MEI1: variants seen among roughly 807,000 people sequenced by gnomAD.
MEI1 encodes meiotic double-stranded break formation protein 1.
Under a neutral mutation model 146.2 loss-of-function variants are expected in MEI1, and 103 were observed. That is an observed-to-expected ratio of 0.70 (90% CI 0.60 to 0.83). The LOEUF is 0.83. Among genes scored for constraint, MEI1 ranks in the 40% least tolerant of loss-of-function variants. The probability of loss-of-function intolerance (pLI) is 0.00; values close to 1 mark genes in which losing one functional copy is unlikely to be tolerated. For missense variants in MEI1, 1,529 were observed against 1,533.0 expected, an observed-to-expected ratio of 1.00 and a Z score of 0.04; for synonymous variants, 652 against 628.2, an observed-to-expected ratio of 1.04 and a Z score of -0.57.
intron 20 of MEI1, among the ~76,000 whole-genome samples, chr22:41,775,380 C>T (rs147852926): frequency 6.6e-6 from 1 of 152,230 alleles, no homozygotes; most frequent in African/African-American, 2.4e-5. Context: ...TTAAGGCACA[C>T]TCAGGTTCCC....
At chr22:41,784,218 C>T (rs950790653) in intron 24 of MEI1, 121 bp from the exon 25 acceptor site, 15 of 843,056 alleles carry the variant, frequency 1.8e-5, no homozygotes, top group Admixed American at 4.5e-5. Flanking sequence ...GTGGCCTCCT[C>T]CGTCCCCTTT....
intron 23 of MEI1, 128 bp downstream of exon 23, chr22:41,781,522 G>A: frequency 8.7e-7 from 1 of 1,146,834 alleles, no homozygotes. Context: ...GTCCTTTCTG[G>A]CTCTAATAAC....
At chr22:41,718,330 A>C (rs769543586) in intron 6 of MEI1, 56 bp downstream of exon 6, 77 of 1,548,678 alleles carry the variant, frequency 5.0e-5, no homozygotes, top group Non-Finnish European at 6.7e-5. Context: ...TTTTGCTAGA[A>C]GACTTGAGAT....
intron 17 of MEI1, 65 bp from the exon 18 acceptor site, chr22:41,758,299 TA>T: frequency 6.7e-7 from 1 of 1,488,268 alleles, no homozygotes. Context: ...TAGTAGGTAC[TA>T]ATGTGCTGAT....
At position 41,781,291 on chromosome 22, in the gene MEI1, G is replaced by A. The variant is rs1377722492; in HGVS notation, c.2823G>A (p.Lys941=). Residue 941 remains lysine, a synonymous_variant, in exon 23 of 31, where the codon AAG becomes AAA. Coordinates refer to ENST00000401548, the MANE Select transcript of MEI1 (RefSeq NM_152513.4). ...VAMKLLHQVS[K]LCGKCSPTDV... ...GACTTTCATCTCTTGCAGTAAGCAA[G>A]CTGTGTGGGAAGTGCAGCCCCACTG... 3 of 1,610,898 alleles carry A rather than the reference G, an allele frequency of 1.9e-6. No homozygotes were observed. The highest frequency in any genetic ancestry group is 2.5e-6 in the Non-Finnish European group (3 of 1,178,722).
intron 7 of MEI1, 78 bp from the exon 8 acceptor site, chr22:41,729,587 G>A (rs1569196186): frequency 2.4e-6 from 2 of 828,872 alleles, no homozygotes; most frequent in African/African-American, 1.7e-5. Context: ...TTAGGCTATT[G>A]CCCTGAGGCA....
At chr22:41,778,065 C>A (rs1433407619) in intron 21 of MEI1, among the ~76,000 whole-genome samples, 2 of 151,916 alleles carry the variant, frequency 1.3e-5, no homozygotes, top group Non-Finnish European at 2.9e-5. Context: ...CCCTGCCCCC[C>A]ACAGCCTTGA....
At chr22:41,777,987 C>A (rs2075553876) in intron 21 of MEI1, among the ~76,000 whole-genome samples, 1 of 150,848 alleles carries the variant, frequency 6.6e-6, no homozygotes, top group Admixed American at 6.6e-5. Flanking sequence ...CTCCTTCTCC[C>A]CTCCCTCCTC....
chr22:41,715,758 C>T (rs1376941944), intron 4 of MEI1, among the ~76,000 whole-genome samples: 2 of 151,668 alleles, frequency 1.3e-5, no homozygotes, highest in Non-Finnish European at 2.9e-5. Flanking sequence ...AAACTTTTGT[C>T]CCCCAACTTC....
At chr22:41,766,790 C>G (rs2148011565) in intron 19 of MEI1, among the ~76,000 whole-genome samples, 1 of 152,222 alleles carries the variant, frequency 6.6e-6, no homozygotes, top group South Asian at 2.1e-4. Context: ...CCTTAGCCTC[C>G]CAAAGTGCTA....
At chr22:41,736,425 T>G (rs2072376026) in intron 11 of MEI1, among the ~76,000 whole-genome samples, 1 of 151,912 alleles carries the variant, frequency 6.6e-6, no homozygotes, top group Admixed American at 6.6e-5. Context: ...AATTTTGTTT[T>G]TGTATTTTTA....
chr22:41,748,349 GTC>G, intron 15 of MEI1, 131 bp downstream of exon 15: 3 of 679,462 alleles, frequency 4.4e-6, no homozygotes, highest in Non-Finnish European at 5.2e-6. Context: ...TCTATTCTTT[GTC>G]CAGTGATGAG....
rs956038444 is a variant in MEI1 at position 41,722,394 on chromosome 22, C to A, written c.734-1549C>A. On this transcript the variant is annotated intron_variant, in intron 6 of 30. Transcript: ENST00000401548. The stretch of plus-strand genomic sequence containing the variant: ...CTCACTGCAGCCTCGAACTCCTGGC[C>A]TCAAGTGATCCTCTCACCTTGATCT... 4.6e-5 allele frequency among the ~76,000 whole-genome samples: 7 copies of A among 152,048 alleles called. 1 individual carries two copies. The East Asian group carries it at 1.4e-3, about 29-fold the overall frequency.
At chr22:41,786,397 A>G (rs1352823458) in intron 26 of MEI1, among the ~76,000 whole-genome samples, 1 of 152,196 alleles carries the variant, frequency 6.6e-6, no homozygotes, top group Non-Finnish European at 1.5e-5. Context: ...AATTTGGCTT[A>G]TAACTGAGAA....
At chr22:41,793,415 C>T (rs1010418398) in intron 26 of MEI1, among the ~76,000 whole-genome samples, 2 of 152,170 alleles carry the variant, frequency 1.3e-5, no homozygotes, top group East Asian at 1.9e-4. Flanking sequence ...GATTCTCCTG[C>T]CTCAACCTCC....
intron 17 of MEI1, among the ~76,000 whole-genome samples, chr22:41,756,580 T>A (rs1463738873): frequency 6.6e-6 from 1 of 152,076 alleles, no homozygotes; most frequent in African/African-American, 2.4e-5. Context: ...TTCAAGCAAT[T>A]CTCCTGCGTC....
rs5751142 is a variant in MEI1, at chr22:41,719,046, A to T, written c.733+772A>T. Among the ~76,000 whole-genome samples the T allele has an allele frequency of 1.4e-3, 204 of 147,404 alleles. 2 individuals carry two copies. The South Asian group carries it at 0.043, about 31-fold the overall frequency. On this transcript the variant is annotated intron_variant, in intron 6 of 30. Coordinates refer to ENST00000401548, the MANE Select transcript of MEI1 (RefSeq NM_152513.4). ...TGCCCAGGCCGGACTGCAGTGGCGC[A>T]ATCTTGGCTCACTGCAAGCTCCGCC...
Position 41,748,110 on chromosome 22 carries a change from C to G in MEI1, c.1684C>G (p.His562Asp). Reference sequence around the variant, plus strand: ...TCTCTCTCCTGGTTCTTTGCAGAGACACTTGGAGCAGACCACCCACCCAGC... The same window carrying G: ...TCTCTCTCCTGGTTCTTTGCAGAGAGACTTGGAGCAGACCACCCACCCAGC... Reference protein sequence around the residue: ...DSLCIPMVMRHLEQTTHPALM... With the variant: ...DSLCIPMVMRDLEQTTHPALM... The change falls in exon 15 of 31, where the codon CAC becomes GAC. Residue 562 changes from histidine to aspartate, a missense_variant. His to Asp is a moderately conservative substitution (Grantham distance 81). This residue lies in a region of MEI1 where 1,212 missense variants were observed against 1,178.9 expected (regional missense o/e 1.03). Coordinates refer to ENST00000401548, the MANE Select transcript of MEI1 (RefSeq NM_152513.4). The G allele has an allele frequency of 6.2e-7, 1 of 1,611,914 alleles. No homozygotes were observed. Among genetic ancestry groups the G allele is most frequent in the Non-Finnish European group, 8.5e-7 (1 of 1,178,108 alleles).
intron 6 of MEI1, among the ~76,000 whole-genome samples, chr22:41,718,782 G>C (rs1364578804): frequency 6.6e-6 from 1 of 152,116 alleles, no homozygotes; most frequent in African/African-American, 2.4e-5. Context: ...CTGGCAGTTG[G>C]TGAAACCCCT....
Sources: gnomAD v4.1 joint callset for allele counts (sites outside exome capture counted in the v4.1 genomes callset) on GRCh38, gnomAD v4.1.1 for gene constraint, gnomAD v4.1.1 regional missense constraint, MANE v1.5 for transcripts, NCBI Gene and HGNC (gene_info 2026-07-23, HGNC 2026-07-21) for gene names.